The following SLC9A3 variants were observed in gnomAD, a reference collection of about 807,000 sequenced individuals.
The protein encoded by SLC9A3 is sodium/hydrogen exchanger 3.
SLC9A3 carries 37 observed loss-of-function variants against 86.8 expected under a neutral mutation model. That is an observed-to-expected ratio of 0.43 (90% confidence interval 0.33 to 0.56). The LOEUF is 0.56. Among genes scored for constraint, SLC9A3 ranks in the 20% least tolerant of loss-of-function variants. The pLI, the probability that SLC9A3 is intolerant of heterozygous loss-of-function variation, is 0.06. For missense variants in SLC9A3, 1,011 were observed against 1,171.9 expected (o/e 0.86, Z 2.00); for synonymous variants, 581 against 528.3 (o/e 1.10, Z -1.37).
At chr5:503,458 A>G (rs1740400083) in intron 1 of SLC9A3, among the ~76,000 whole-genome samples, 2 of 152,186 alleles carry the variant, frequency 1.3e-5, no homozygotes, top group Admixed American at 1.3e-4. Context: ...GGGTCCATTG[A>G]GCCTGGGCGG....
At chr5:475,477 G>T in intron 15 of SLC9A3, 84 bp downstream of exon 15, 1 of 817,128 alleles carries the variant, frequency 1.2e-6, no homozygotes, top group Non-Finnish European at 2.0e-6. Flanking sequence ...AGGTCCCAGT[G>T]CCCCTGGTCC....
chr5:506,312 G>A (rs1424886046), intron 1 of SLC9A3, among the ~76,000 whole-genome samples: 1 of 152,222 alleles, frequency 6.6e-6, no homozygotes, highest in Non-Finnish European at 1.5e-5. Flanking sequence ...CGAGACGGGG[G>A]CTGGAGACGC....
chr5:473,144 C>A lies in SLC9A3; in HGVS notation c.*235G>T, dbSNP rs866897416. The A allele has an allele frequency of 8.2e-6, 2 of 244,168 alleles. No individual in the cohort carries two copies. Among genetic ancestry groups the A allele is most frequent in the Non-Finnish European group, 7.4e-6 (1 of 134,256 alleles). The allele number at this position is 244,168 out of a possible 1,614,324, so 15.1% of individuals were successfully genotyped here. ...GCGCACTCGGCAGCCCTCGGCGCTCCGGCCCCGCCCCCGGCGCAGGCCCCG... is the reference window on the plus strand; with the variant it reads ...GCGCACTCGGCAGCCCTCGGCGCTCAGGCCCCGCCCCCGGCGCAGGCCCCG... On this transcript the variant is annotated 3_prime_UTR_variant, in exon 17 of 17. Coordinates refer to ENST00000264938, the MANE Select transcript of SLC9A3 (RefSeq NM_004174.4).
At chr5:475,708 TG>T in intron 14 of SLC9A3, 37 bp from the exon 15 acceptor site, 6 of 1,172,266 alleles carry the variant, frequency 5.1e-6, no homozygotes, top group Non-Finnish European at 7.5e-6. Context: ...CTGGGGTCAC[TG>T]GGGGGCTGTC....
At chr5:520,130 C>A (rs111240231) in intron 1 of SLC9A3, among the ~76,000 whole-genome samples, 1 of 152,096 alleles carries the variant, frequency 6.6e-6, no homozygotes, top group South Asian at 2.1e-4. Context: ...ACCCTCAAGG[C>A]GCCACCTCCC....
At chr5:478,844 C>T (rs1374650716) in intron 10 of SLC9A3, 5 of 154,662 alleles carry the variant, frequency 3.2e-5, no homozygotes, top group Admixed American at 1.3e-4. Context: ...GGTCCAGGAG[C>T]CCTCCTTCCT....
At chr5:501,282 C>A (rs1160460132) in intron 1 of SLC9A3, among the ~76,000 whole-genome samples, 1 of 152,184 alleles carries the variant, frequency 6.6e-6, no homozygotes, top group Non-Finnish European at 1.5e-5. Context: ...CTTGGTCAGG[C>A]CCAGGGCCTC....
intron 2 of SLC9A3, among the ~76,000 whole-genome samples, chr5:489,588 G>A (rs1177748887): frequency 6.6e-6 from 1 of 152,242 alleles, no homozygotes; most frequent in Non-Finnish European, 1.5e-5. Context: ...TCTGGCCAGT[G>A]TCACAACACC....
At chr5:506,397 C>T (rs944262308) in intron 1 of SLC9A3, among the ~76,000 whole-genome samples, 10 of 152,182 alleles carry the variant, frequency 6.6e-5, no homozygotes, top group Admixed American at 2.6e-4. Context: ...CGCATTCTCA[C>T]GCGAGGTGTG....
intron 1 of SLC9A3, among the ~76,000 whole-genome samples, chr5:507,732 C>T (rs533486967): frequency 2.4e-5 from 3 of 127,198 alleles, no homozygotes; most frequent in South Asian, 2.7e-4. Context: ...GCCCGAATCC[C>T]CACCCCACAG....
At chr5:478,890 C>T (rs930012479) in intron 10 of SLC9A3, 1 of 154,512 alleles carries the variant, frequency 6.5e-6, no homozygotes, top group South Asian at 2.0e-4. Context: ...CAGCCCCAGG[C>T]CCCCGTGCCC....
chr5:473,144 C>CGGCCCCCCCCCCGGCGCA lies in SLC9A3; in HGVS notation c.*234_*235insTGCGCCGGGGGGGGGGCC. ...GCGCACTCGGCAGCCCTCGGCGCTC[C>CGGCCCCCCCCCCGGCGCA]GGCCCCGCCCCCGGCGCAGGCCCCG... is the stretch of plus-strand genomic sequence containing the variant. On this transcript the variant is annotated 3_prime_UTR_variant, in exon 17 of 17. Coordinates refer to ENST00000264938, the MANE Select transcript of SLC9A3 (RefSeq NM_004174.4). The CGGCCCCCCCCCCGGCGCA allele has an allele frequency of 4.1e-6, 1 of 244,168 alleles. No homozygotes were observed. Among genetic ancestry groups the CGGCCCCCCCCCCGGCGCA allele is most frequent in the Non-Finnish European group, 7.4e-6 (1 of 134,256 alleles). The allele number at this position is 244,168 out of a possible 1,614,324, so 15.1% of individuals were successfully genotyped here. A position where few individuals can be genotyped will look rare whatever the true frequency, so the allele number is the denominator to read the frequency against.
At chr5:480,468 G>A (rs1739094788) in intron 9 of SLC9A3, 1 of 156,894 alleles carries the variant, frequency 6.4e-6, no homozygotes, top group South Asian at 1.9e-4. Context: ...CTGTCACTTG[G>A]ACATGGGTGC....
Position 473,373 on chromosome 5 carries a change from C to A in SLC9A3, c.*6G>T. Reference sequence around the variant, plus strand: ...GCGGCCGGTTAGCGGCGTGTCGGAGCCGGTGTCACCTGCGGGAGAGGAAGG... The same window carrying A: ...GCGGCCGGTTAGCGGCGTGTCGGAGACGGTGTCACCTGCGGGAGAGGAAGG... On this transcript the variant is annotated 3_prime_UTR_variant, in exon 17 of 17. Coordinates refer to ENST00000264938, the MANE Select transcript of SLC9A3 (RefSeq NM_004174.4). The A allele has an allele frequency of 7.1e-7, 1 of 1,416,016 alleles. No individual in the cohort carries two copies. Among genetic ancestry groups the A allele is most frequent in the Admixed American group, 2.6e-5 (1 of 38,410 alleles). The allele number at this position is 1,416,016 out of a possible 1,614,324, so 87.7% of individuals were successfully genotyped here.
chr5:505,909 G>A (rs1740556896), intron 1 of SLC9A3, among the ~76,000 whole-genome samples: 1 of 151,660 alleles, frequency 6.6e-6, no homozygotes, highest in African/African-American at 2.4e-5. Context: ...GCAAAGGCAT[G>A]AGGCCCCCTC....
chr5:508,804 G>A (rs1740739131), intron 1 of SLC9A3, among the ~76,000 whole-genome samples: 1 of 152,214 alleles, frequency 6.6e-6, no homozygotes, highest in African/African-American at 2.4e-5. Flanking sequence ...AGGATTGAAA[G>A]AGGAGGTTAA....
At chr5:510,952 G>A (rs1315391005) in intron 1 of SLC9A3, among the ~76,000 whole-genome samples, 3 of 152,190 alleles carry the variant, frequency 2.0e-5, no homozygotes, top group African/African-American at 7.2e-5. Flanking sequence ...GTCTCCCCTG[G>A]CCACAGCCCT....
intron 1 of SLC9A3, among the ~76,000 whole-genome samples, chr5:502,154 A>T (rs1201168657): frequency 1.3e-5 from 2 of 152,054 alleles, no homozygotes; most frequent in Non-Finnish European, 2.9e-5. Context: ...AGATCCTTCG[A>T]CTCCAAACCA....
At chr5:488,077 C>G (rs13158034) in intron 3 of SLC9A3, among the ~76,000 whole-genome samples, 86,291 of 152,162 alleles carry the variant, frequency 0.57, 24,911 homozygotes, top group African/African-American at 0.65. Flanking sequence ...CATCATTAAC[C>G]CTGAAGCTAT....
Sources: gnomAD v4.1 joint callset for allele counts (sites outside exome capture counted in the v4.1 genomes callset) on GRCh38, gnomAD v4.1.1 for gene constraint, MANE v1.5 for transcripts, NCBI Gene and HGNC (gene_info 2026-07-23, HGNC 2026-07-21) for gene names.